Variants in DENND5B observed in about 807,000 individuals in gnomAD.
DENND5B encodes the protein DENN domain containing 5B, also known as DENN domain-containing protein 5B.
DENND5B carries 34 observed loss-of-function variants against 140.6 expected under a neutral mutation model. The ratio of observed to expected loss-of-function variants is 0.24; its 90% CI spans 0.18 to 0.32. The LOEUF (loss-of-function observed/expected upper bound fraction) is 0.32. Among genes scored for constraint, DENND5B ranks in the 10% least tolerant of loss-of-function variants. DENND5B has a pLI of 1.00. For missense variants in DENND5B, 1,142 were observed against 1,560.2 expected (o/e 0.73, Z 4.52); for synonymous variants, 551 against 562.1 (o/e 0.98, Z 0.28).
chr12:31,540,662 A>AC (rs1159201893), intron 1 of DENND5B, among the ~76,000 whole-genome samples: 5 of 143,402 alleles, frequency 3.5e-5, no homozygotes, highest in Admixed American at 2.1e-4. Flanking sequence ...CCGCCCCCCA[A>AC]CCCCCCCACC....
At chr12:31,511,868 C>G (rs902152758) in intron 1 of DENND5B, among the ~76,000 whole-genome samples, 3 of 148,982 alleles carry the variant, frequency 2.0e-5, no homozygotes, top group Admixed American at 6.7e-5. Flanking sequence ...AAAGCCTTGA[C>G]TATATATAAA....
intron 1 of DENND5B, among the ~76,000 whole-genome samples, chr12:31,573,174 T>C (rs957432335): frequency 1.3e-5 from 2 of 152,198 alleles, no homozygotes; most frequent in Admixed American, 1.3e-4. Flanking sequence ...ATCTCATTAG[T>C]TCAGAGATAT....
chr12:31,489,595 T>C (rs749144198), intron 2 of DENND5B, among the ~76,000 whole-genome samples: 10 of 152,340 alleles, frequency 6.6e-5, no homozygotes, highest in Non-Finnish European at 1.5e-4. Flanking sequence ...CTTCATTTAT[T>C]CAACAATTTG....
intron 1 of DENND5B, among the ~76,000 whole-genome samples, chr12:31,508,178 T>A (rs1947274468): frequency 6.6e-6 from 1 of 152,164 alleles, no homozygotes; most frequent in South Asian, 2.1e-4. Flanking sequence ...CTAAGCTGAT[T>A]CAAACAAACT....
chr12:31,389,616 A>C, intron 19 of DENND5B, 118 bp from the exon 20 acceptor site: 3 of 911,402 alleles, frequency 3.3e-6, no homozygotes, highest in Non-Finnish European at 4.8e-6. Flanking sequence ...TCAGTCCTGA[A>C]GCCAATATCA....
intron 3 of DENND5B, among the ~76,000 whole-genome samples, chr12:31,473,220 G>A (rs961049105): frequency 3.3e-5 from 5 of 152,338 alleles, no homozygotes; most frequent in African/African-American, 7.2e-5. Flanking sequence ...TTACAGGCAG[G>A]AGCCATTGCC....
intron 1 of DENND5B, among the ~76,000 whole-genome samples, chr12:31,589,085 T>C (rs966722542): frequency 6.6e-6 from 1 of 152,210 alleles, no homozygotes. Flanking sequence ...TTAGCTTCAG[T>C]AGGCAAACGG....
chr12:31,448,000 G>C (rs1349375263), intron 5 of DENND5B, among the ~76,000 whole-genome samples: 1 of 152,076 alleles, frequency 6.6e-6, no homozygotes, highest in Non-Finnish European at 1.5e-5. Context: ...TTTACATTCT[G>C]ATCCTTATGA....
chr12:31,496,375 T>G (rs944992647), intron 1 of DENND5B, among the ~76,000 whole-genome samples: 1 of 152,204 alleles, frequency 6.6e-6, no homozygotes, highest in African/African-American at 2.4e-5. Flanking sequence ...CAAAAATCTC[T>G]GAGAAATGTG....
At chr12:31,467,828 TAAGAAA>T (rs1945348866) in intron 3 of DENND5B, among the ~76,000 whole-genome samples, 1 of 151,722 alleles carries the variant, frequency 6.6e-6, no homozygotes, top group African/African-American at 2.4e-5. Context: ...AATTTATCAT[TAAGAAA>T]AAGAGCATAT....
chr12:31,402,070 C>CAA lies in DENND5B; in HGVS notation c.2949+426_2949+427dup, dbSNP rs147304148. Among the ~76,000 whole-genome samples the CAA allele has an allele frequency of 4.9e-3, 592 of 119,756 alleles. 6 individuals are homozygous for CAA. Among genetic ancestry groups the CAA allele is most frequent in the Middle Eastern group, 0.014 (3 of 218 alleles). The allele number at this position is 119,756 out of a possible 152,430, so 78.6% of individuals were successfully genotyped here. A position where few individuals can be genotyped will look rare whatever the true frequency, so the allele number is the denominator to read the frequency against. ...TGGGCGAAAGAGCAAGATTCCGTCTCAAAAAAAAAAAAAAAAAAATCCATA... is the reference window on the plus strand; with the variant it reads ...TGGGCGAAAGAGCAAGATTCCGTCTCAAAAAAAAAAAAAAAAAAAAATCCATA... On this transcript the variant is annotated intron_variant, in intron 15 of 20. Transcript: ENST00000389082.
At chr12:31,527,780 G>GAA (rs914212249) in intron 1 of DENND5B, among the ~76,000 whole-genome samples, 2 of 146,056 alleles carry the variant, frequency 1.4e-5, no homozygotes, top group African/African-American at 5.0e-5. Flanking sequence ...TCCATTTGGG[G>GAA]AAAAAAAAAA....
intron 1 of DENND5B, among the ~76,000 whole-genome samples, chr12:31,563,249 C>T (rs796249765): frequency 6.6e-5 from 10 of 152,286 alleles, no homozygotes; most frequent in African/African-American, 2.4e-4. Flanking sequence ...AAATTTATAA[C>T]ACAAACAGCC....
At position 31,452,495 on chromosome 12, in the gene DENND5B, A is replaced by ATT; in HGVS notation, c.1093-20_1093-19insAA. The ATT allele has an allele frequency of 6.4e-7, 1 of 1,570,422 alleles. No individual in the cohort carries two copies. Among genetic ancestry groups the ATT allele is most frequent in the Non-Finnish European group, 8.6e-7 (1 of 1,162,382 alleles). ...AATTAGCCTGAAAGAGAAAAATGAA[A>ATT]TACAAAGGTTTAAAATAAAGGAATT... On this transcript the variant is annotated intron_variant, in intron 4 of 20. Coordinates refer to ENST00000389082, the MANE Select transcript of DENND5B (RefSeq NM_144973.4).
intron 1 of DENND5B, among the ~76,000 whole-genome samples, chr12:31,562,575 T>C (rs887229304): frequency 9.9e-5 from 15 of 151,582 alleles, no homozygotes; most frequent in Admixed American, 6.6e-5. Context: ...GATCGCACCA[T>C]TGCGCGCCAG....
rs950987922 is a variant in DENND5B at position 31,545,049 on chromosome 12, C to T, written c.127+45657G>A. Among the ~76,000 whole-genome samples, 5 of 152,076 alleles carry T rather than the reference C, an allele frequency of 3.3e-5. 1 individual carries two copies. Among genetic ancestry groups the T allele is most frequent in the African/African-American group, 1.2e-4 (5 of 41,414 alleles). ...ATCAGTTTTTAGACAATCGCCCCCA[C>T]CACAGACACACAGAAGCTTCTCAGT... On this transcript the variant is annotated intron_variant, in intron 1 of 20. Coordinates refer to ENST00000389082, the MANE Select transcript of DENND5B (RefSeq NM_144973.4).
At chr12:31,520,770 G>C (rs536919336) in intron 1 of DENND5B, among the ~76,000 whole-genome samples, 1 of 152,036 alleles carries the variant, frequency 6.6e-6, no homozygotes, top group Admixed American at 6.5e-5. Context: ...TCGATCTCCT[G>C]ACCTCATGAT....
intron 3 of DENND5B, among the ~76,000 whole-genome samples, chr12:31,471,781 T>C (rs991637116): frequency 6.6e-6 from 1 of 152,172 alleles, no homozygotes; most frequent in African/African-American, 2.4e-5. Context: ...TATGGAACAA[T>C]CACAGATGGC....
At chr12:31,553,170 G>C (rs1216632241) in intron 1 of DENND5B, among the ~76,000 whole-genome samples, 1 of 152,140 alleles carries the variant, frequency 6.6e-6, no homozygotes, top group Non-Finnish European at 1.5e-5. Context: ...GTCAATTTTA[G>C]ATCTTTCCTG....
Sources: allele counts gnomAD v4.1 joint callset (sites outside exome capture counted in the v4.1 genomes callset), GRCh38; gene constraint gnomAD v4.1.1; transcripts MANE v1.5; gene names NCBI Gene and HGNC (gene_info 2026-07-23, HGNC 2026-07-21).